SOCS4: variants seen among roughly 807,000 people sequenced by gnomAD.
SOCS4 encodes the protein suppressor of cytokine signaling 4, also known as SH2 domain containing SOCS box protein.
SOCS4 carries 20 observed loss-of-function variants against 34.1 expected under a neutral mutation model. The ratio of observed to expected loss-of-function variants is 0.59; its 90% CI spans 0.41 to 0.85. The LOEUF (loss-of-function observed/expected upper bound fraction) is 0.85, where lower values mean the gene tolerates loss of function less well. SOCS4 is among the 40% of genes least tolerant of loss of function. The pLI is 0.00. For synonymous variants in SOCS4, 180 were observed against 186.4 expected (o/e 0.97, Z 0.28); for missense variants, 479 against 532.4 (o/e 0.90, Z 0.99).
chr14:55,028,408 T>C (rs2042490728), intron 1 of SOCS4, among the ~76,000 whole-genome samples: 1 of 151,968 alleles, frequency 6.6e-6, no homozygotes, highest in Admixed American at 6.6e-5. Context: ...GCTTTCTGAG[T>C]GACCTAATTT....
Position 55,035,833 on chromosome 14 carries a change from AT to A in SOCS4, c.-91+3843del, listed in dbSNP as rs563223924. On this transcript the variant is annotated intron_variant, in intron 2 of 2. Transcript: ENST00000555846. ...ACAAAACAGAAACTGGACTTAAACC[AT>A]GTTTCTTTTTTTTTTTTCTTCCAGA... Among the ~76,000 whole-genome samples the A allele has an allele frequency of 4.6e-4, 59 of 127,174 alleles. 1 individual carries two copies. In the South Asian group the frequency reaches 0.014, roughly 29 times the overall value. 83.4% of individuals were successfully genotyped at this position (127,174 alleles called of 152,430 possible).
Position 55,043,055 on chromosome 14 carries a change from A to T in SOCS4, c.14A>T (p.Asn5Ile). ...TAATTTGTTAACATGGCAGAAAATA[A>T]TGAAAATATTAGTAAAAATGTAGAT... MAEN[N>I]ENISKNVDVR... The change falls in exon 3 of 3, where the codon AAT (asparagine) becomes ATT (isoleucine). Residue 5 changes from asparagine (N) to isoleucine (I), a missense_variant. By Grantham distance (149) the Asn-to-Ile change is moderately radical (BLOSUM62 -3). Coordinates refer to ENST00000555846, the MANE Select transcript of SOCS4 (RefSeq NM_199421.2). 1 of 1,602,126 alleles carries T rather than the reference A, an allele frequency of 6.2e-7. No individual in the cohort carries two copies. The highest frequency in any genetic ancestry group is 2.2e-5 in the East Asian group (1 of 44,810).
chr14:55,042,959 C>T lies in SOCS4; in HGVS notation c.-83C>T. 1 of 1,301,064 alleles carries T rather than the reference C, an allele frequency of 7.7e-7. No individual in the cohort carries two copies. Among genetic ancestry groups the T allele is most frequent in the East Asian group, 2.3e-5 (1 of 42,614 alleles). The allele number at this position is 1,301,064 out of a possible 1,614,324, so 80.6% of individuals were successfully genotyped here. On this transcript the variant is annotated 5_prime_UTR_variant, in exon 3 of 3. An upstream open reading frame in the 5' UTR gains an earlier in-frame stop. Transcript: ENST00000555846. ...TTTTTTTGTTTTCTTTAGATACATC[C>T]AGAAAGTGCCCAGAAGAAACTTCCT...
In SOCS4 at chr14:55,043,914, G is replaced by A. The variant is rs774130338; in HGVS notation, c.873G>A (p.Met291Ile). ...INNNPCYWGV[M>I]DKYAAEALLE... is the part of the protein sequence containing the mutation. The stretch of plus-strand genomic sequence containing the variant: ...ACAACCCATGTTACTGGGGAGTGAT[G>A]GATAAATACGCAGCCGAAGCACTAC... The change falls in exon 3 of 3, where the codon ATG becomes ATA. Residue 291 changes from methionine (M) to isoleucine (I), a missense_variant. Physicochemically the swap from Met to Ile is conservative, Grantham distance 10. Coordinates refer to ENST00000555846, the MANE Select transcript of SOCS4 (RefSeq NM_199421.2). 6.2e-7 allele frequency: 1 copy of A among 1,614,098 alleles called. No individual in the cohort carries two copies. Among genetic ancestry groups the A allele is most frequent in the Non-Finnish European group, 8.5e-7 (1 of 1,180,028 alleles).
intron 2 of SOCS4, among the ~76,000 whole-genome samples, chr14:55,032,286 T>C (rs960118412): frequency 1.3e-5 from 2 of 152,216 alleles, no homozygotes; most frequent in Non-Finnish European, 2.9e-5. Context: ...GGATTTGAAT[T>C]GTTTCCTGTA....
chr14:55,036,056 G>A (rs543067795), intron 2 of SOCS4, among the ~76,000 whole-genome samples: 1 of 152,072 alleles, frequency 6.6e-6, no homozygotes, highest in Non-Finnish European at 1.5e-5. Flanking sequence ...AATGCCTGCC[G>A]CCGCTATGCT....
chr14:55,045,300 C>T lies in SOCS4; in HGVS notation c.*936C>T, dbSNP rs752260464. The T allele has an allele frequency of 1.2e-5, 2 of 166,974 alleles. No homozygotes were observed. Among genetic ancestry groups the T allele is most frequent in the Non-Finnish European group, 2.9e-5 (2 of 68,032 alleles). The allele number at this position is 166,974 out of a possible 1,614,324, so 10.3% of individuals were successfully genotyped here. On this transcript the variant is annotated 3_prime_UTR_variant, in exon 3 of 3. Coordinates refer to ENST00000555846, the MANE Select transcript of SOCS4 (RefSeq NM_199421.2). ...CTTTTATAGAAACTCTGAGCTGTTA[C>T]TTTGGGGAAATTCCACAATGTATTA...
intron 2 of SOCS4, among the ~76,000 whole-genome samples, chr14:55,042,022 T>G (rs2042624535): frequency 6.6e-6 from 1 of 151,966 alleles, no homozygotes; most frequent in Admixed American, 6.6e-5. Flanking sequence ...GGTCATGAAC[T>G]CCTGACCTCA....
chr14:55,031,263 C>T (rs1478798264), intron 1 of SOCS4, among the ~76,000 whole-genome samples: 1 of 152,122 alleles, frequency 6.6e-6, no homozygotes, highest in Admixed American at 6.6e-5. Flanking sequence ...AGATTAGCCC[C>T]TTCAGTGATG....
chr14:55,042,696 TTTTC>T (rs1367805159), intron 2 of SOCS4, among the ~76,000 whole-genome samples: 1 of 152,188 alleles, frequency 6.6e-6, no homozygotes, highest in Non-Finnish European at 1.5e-5. Context: ...AGGCTTGGCT[TTTTC>T]TTATCCACAC....
In SOCS4 at chr14:55,043,018, TTA is replaced by T; in HGVS notation, c.-23_-22del. ...AAATGAAAAAGCAGTATTTATAACATTAGAATCTGGATAATTTGTTAACATGG... is the reference window on the plus strand; with the variant it reads ...AAATGAAAAAGCAGTATTTATAACATGAATCTGGATAATTTGTTAACATGG... On this transcript the variant is annotated 5_prime_UTR_variant, in exon 3 of 3. The change creates a new upstream start codon in the 5' untranslated region. Transcript: ENST00000555846. 1 of 1,578,410 alleles carries T rather than the reference TTA, an allele frequency of 6.3e-7. No individual in the cohort carries two copies.
At chr14:55,034,082 G>T (rs935924389) in intron 2 of SOCS4, among the ~76,000 whole-genome samples, 1 of 152,102 alleles carries the variant, frequency 6.6e-6, no homozygotes, top group African/African-American at 2.4e-5. Context: ...GCAGTGAGCC[G>T]AGATCGCACT....
intron 1 of SOCS4, chr14:55,027,879 T>C (rs1033263870): frequency 6.6e-6 from 1 of 152,250 alleles, no homozygotes; most frequent in African/African-American, 2.4e-5. Flanking sequence ...TGAATATTTA[T>C]AACCAAAAGA....
intron 2 of SOCS4, among the ~76,000 whole-genome samples, chr14:55,041,941 G>A (rs1204609334): frequency 6.6e-6 from 1 of 151,530 alleles, no homozygotes; most frequent in Admixed American, 6.6e-5. Context: ...ACAGGCGTGC[G>A]CCGTTGCACC....
At chr14:55,039,991 A>G (rs1328213566) in intron 2 of SOCS4, among the ~76,000 whole-genome samples, 1 of 152,250 alleles carries the variant, frequency 6.6e-6, no homozygotes, top group Non-Finnish European at 1.5e-5. Flanking sequence ...GCAAGGAGAC[A>G]AGACTAGAGG....
At chr14:55,035,896 C>G (rs899515138) in intron 2 of SOCS4, among the ~76,000 whole-genome samples, 1 of 151,338 alleles carries the variant, frequency 6.6e-6, no homozygotes, top group African/African-American at 2.4e-5. Context: ...CCAAGAAACA[C>G]CCACTGCATG....
At position 55,032,590 on chromosome 14, in the gene SOCS4, G is replaced by A. The variant is rs75816507; in HGVS notation, c.-91+599G>A. ...AGGGCAATGTAACATAGCTGCCTTC[G>A]TAAAAAATTAATTATTGAATCAAGA... On this transcript the variant is annotated intron_variant, in intron 2 of 2. Transcript: ENST00000555846. Among the ~76,000 whole-genome samples, 137 of 151,660 alleles carry A rather than the reference G, an allele frequency of 9.0e-4. No homozygotes were observed. In the East Asian group the frequency reaches 9.7e-3, roughly 11 times the overall value.
Position 55,043,895 on chromosome 14 carries a change from C to T in SOCS4, c.854C>T (p.Pro285Leu). 1 of 1,614,152 alleles carries T rather than the reference C, an allele frequency of 6.2e-7. No individual in the cohort carries two copies. Among genetic ancestry groups the T allele is most frequent in the Non-Finnish European group, 8.5e-7 (1 of 1,180,026 alleles). ...VPDLLQINNN[P>L]CYWGVMDKYA... is the part of the protein sequence containing the mutation. Reference sequence around the variant, plus strand: ...GACCTCCTTCAGATCAATAACAACCCATGTTACTGGGGAGTGATGGATAAA... The same window carrying T: ...GACCTCCTTCAGATCAATAACAACCTATGTTACTGGGGAGTGATGGATAAA... The change falls in exon 3 of 3, where the codon CCA becomes CTA. Residue 285 changes from proline (P) to leucine (L), a missense_variant. Pro to Leu is a moderately conservative substitution (Grantham distance 98). Transcript: ENST00000555846.
intron 2 of SOCS4, among the ~76,000 whole-genome samples, chr14:55,041,174 T>C (rs1005386878): frequency 2.6e-5 from 4 of 152,188 alleles, no homozygotes; most frequent in African/African-American, 9.6e-5. Flanking sequence ...CATGAGCCAC[T>C]GCACCTGGCC....
Sources: allele counts gnomAD v4.1 joint callset (sites outside exome capture counted in the v4.1 genomes callset), GRCh38; gene constraint gnomAD v4.1.1; transcripts MANE v1.5; gene names NCBI Gene and HGNC (gene_info 2026-07-23, HGNC 2026-07-21).